VGLL2: variants seen among roughly 807,000 people sequenced by gnomAD.
The protein encoded by VGLL2 is transcription cofactor vestigial-like protein 2.
A neutral mutation model predicts 27.0 loss-of-function variants in VGLL2; 18 were observed. That is an observed-to-expected ratio of 0.67 (90% confidence interval 0.46 to 0.99). The LOEUF (loss-of-function observed/expected upper bound fraction) is 0.99. Ranked by LOEUF, VGLL2 falls within the 50% of genes least tolerant of loss-of-function variation. The pLI is 0.00. For synonymous variants in VGLL2, 220 were observed against 201.1 expected, an observed-to-expected ratio of 1.09 and a Z score of -0.80; for missense variants, 491 against 452.3, an observed-to-expected ratio of 1.09 and a Z score of -0.78.
At position 117,272,560 on chromosome 6, in the gene VGLL2, CCT is replaced by C. The variant is rs1349052020; in HGVS notation, c.*70_*71del. 18 of 1,610,476 alleles carry C rather than the reference CCT, an allele frequency of 1.1e-5. No homozygotes were observed. The highest frequency in any genetic ancestry group is 1.4e-5 in the Non-Finnish European group (17 of 1,177,856). On this transcript the variant is annotated 3_prime_UTR_variant, in exon 4 of 4. Transcript: ENST00000326274. ...CAGCCTTGGAGGCTCAGCATCTGTG[CCT>C]CTCACTCCGTGGATGAGGACATGGG...
chr6:117,268,529 G>A (rs28441357), intron 2 of VGLL2, 38 bp downstream of exon 2: 8 of 1,521,960 alleles, frequency 5.3e-6, no homozygotes, highest in Non-Finnish European at 7.0e-6. Context: ...CCCATAGGGG[G>A]TCCTCTCAGC....
chr6:117,271,124 G>A, intron 3 of VGLL2, 60 bp downstream of exon 3: 1 of 1,184,080 alleles, frequency 8.4e-7, no homozygotes, highest in Non-Finnish European at 1.0e-6. Flanking sequence ...CCGACCCTGG[G>A]CTGTGCCTAG....
At chr6:117,270,359 C>A (rs1018635474) in intron 2 of VGLL2, among the ~76,000 whole-genome samples, 184 bp from the exon 3 acceptor site, 1 of 152,076 alleles carries the variant, frequency 6.6e-6, no homozygotes, top group Non-Finnish European at 1.5e-5. Context: ...GGTTGCAGCC[C>A]CCTTAGAAAA....
intron 1 of VGLL2, among the ~76,000 whole-genome samples, chr6:117,266,861 G>A (rs572037413): frequency 5.3e-5 from 8 of 152,200 alleles, no homozygotes; most frequent in African/African-American, 1.9e-4. Flanking sequence ...AAAATTTCCC[G>A]ATAAATTAAT....
chr6:117,266,095 A>G (rs1163071968), intron 1 of VGLL2, among the ~76,000 whole-genome samples: 1 of 152,196 alleles, frequency 6.6e-6, no homozygotes, highest in Non-Finnish European at 1.5e-5. Context: ...TCCCTGGAAT[A>G]ATCAGAGGAA....
In VGLL2 at chr6:117,265,709, T is replaced by G; in HGVS notation, c.-55T>G. 1 of 1,524,748 alleles carries G rather than the reference T, an allele frequency of 6.6e-7. No individual in the cohort carries two copies. The highest frequency in any genetic ancestry group is 9.1e-7 in the Non-Finnish European group (1 of 1,100,542). 94.5% of individuals were successfully genotyped at this position (1,524,748 alleles called of 1,614,324 possible). A position where few individuals can be genotyped will look rare whatever the true frequency, so the allele number is the denominator to read the frequency against. ...CGCCGCCCATGCAGCACCCCTGAGCTCCGGGGAAGGAGAGTTAATGAAAAA... is the reference window on the plus strand; with the variant it reads ...CGCCGCCCATGCAGCACCCCTGAGCGCCGGGGAAGGAGAGTTAATGAAAAA... On this transcript the variant is annotated 5_prime_UTR_variant, in exon 1 of 4. Coordinates refer to ENST00000326274, the MANE Select transcript of VGLL2 (RefSeq NM_182645.3).
In VGLL2 at chr6:117,268,336, A is replaced by G; in HGVS notation, c.236A>G (p.Glu79Gly). Residue 79 changes from glutamate to glycine, a missense_variant, in exon 2 of 4, where the codon GAG becomes GGG. Coordinates refer to ENST00000326274, the MANE Select transcript of VGLL2 (RefSeq NM_182645.3). ...SPEKERPPEA[E>G]YINSRCVLFT... ...GAGAAAGAGCGCCCACCAGAGGCAGAGTACATCAACTCCCGCTGCGTCCTC... is the reference window on the plus strand; with the variant it reads ...GAGAAAGAGCGCCCACCAGAGGCAGGGTACATCAACTCCCGCTGCGTCCTC... The G allele has an allele frequency of 6.2e-7, 1 of 1,614,190 alleles. No individual in the cohort carries two copies. Among genetic ancestry groups the G allele is most frequent in the South Asian group, 1.1e-5 (1 of 91,078 alleles).
intron 1 of VGLL2, among the ~76,000 whole-genome samples, chr6:117,266,695 G>A (rs1773074665): frequency 6.6e-6 from 1 of 152,152 alleles, no homozygotes; most frequent in Non-Finnish European, 1.5e-5. Flanking sequence ...AGTAGTGCAG[G>A]AAAAGAATGA....
In VGLL2 at chr6:117,267,006, A is replaced by C. The variant is rs185760159; in HGVS notation, c.81+1162A>C. ...TCCTCTTGTAGGGAAGGTGGCATTT[A>C]GGAAGTGGTGATATTGCTAAATCTT... On this transcript the variant is annotated intron_variant, in intron 1 of 3. Transcript: ENST00000326274. Among the ~76,000 whole-genome samples the C allele has an allele frequency of 2.7e-3, 408 of 152,258 alleles. 5 individuals are homozygous for C. In the Middle Eastern group the frequency reaches 0.034, roughly 13 times the overall value.
chr6:117,270,484 C>A, intron 2 of VGLL2, 59 bp from the exon 3 acceptor site: 1 of 1,506,678 alleles, frequency 6.6e-7, no homozygotes, highest in Non-Finnish European at 8.9e-7. Flanking sequence ...CTGAGTCCAG[C>A]CGCAGTGACA....
chr6:117,272,758 C>A lies in VGLL2; in HGVS notation c.*264C>A, dbSNP rs1348727170. 4 of 524,748 alleles carry A rather than the reference C, an allele frequency of 7.6e-6. No individual in the cohort carries two copies. The highest frequency in any genetic ancestry group is 1.3e-5 in the Non-Finnish European group (4 of 300,548). The allele number at this position is 524,748 out of a possible 1,614,324, so 32.5% of individuals were successfully genotyped here. Reference sequence around the variant, plus strand: ...AATATCTGTGGTGAGATTGCTGAGTCAGGTGATGTGATATCATAAGCTTTC... The same window carrying A: ...AATATCTGTGGTGAGATTGCTGAGTAAGGTGATGTGATATCATAAGCTTTC... On this transcript the variant is annotated 3_prime_UTR_variant, in exon 4 of 4. Transcript: ENST00000326274.
rs1773232601 is a variant in VGLL2, at chr6:117,272,957, T to G, written c.*463T>G. 6.2e-6 allele frequency: 1 copy of G among 161,128 alleles called. No homozygotes were observed. Among genetic ancestry groups the G allele is most frequent in the Admixed American group, 6.4e-5 (1 of 15,538 alleles). 10.0% of individuals were successfully genotyped at this position (161,128 alleles called of 1,614,324 possible). On this transcript the variant is annotated 3_prime_UTR_variant, in exon 4 of 4. Coordinates refer to ENST00000326274, the MANE Select transcript of VGLL2 (RefSeq NM_182645.3). ...TAAAGAGAAGTCAATTCCTTCTTCC[T>G]CACCTCTCAGCCTCCAGATCCCTTC...
Position 117,265,723 on chromosome 6 carries a change from G to C in VGLL2, c.-41G>C, listed in dbSNP as rs1323390422. The C allele has an allele frequency of 6.4e-7, 1 of 1,574,008 alleles. No individual in the cohort carries two copies. Among genetic ancestry groups the C allele is most frequent in the Non-Finnish European group, 8.7e-7 (1 of 1,144,130 alleles). On this transcript the variant is annotated 5_prime_UTR_variant, in exon 1 of 4. Coordinates refer to ENST00000326274, the MANE Select transcript of VGLL2 (RefSeq NM_182645.3). ...CACCCCTGAGCTCCGGGGAAGGAGAGTTAATGAAAAAACACTTAACCGTCT... is the reference window on the plus strand; with the variant it reads ...CACCCCTGAGCTCCGGGGAAGGAGACTTAATGAAAAAACACTTAACCGTCT...
At position 117,270,740 on chromosome 6, in the gene VGLL2, G is replaced by GCGCACC; in HGVS notation, c.596_601dup (p.Pro199_His200dup). On this transcript the variant is annotated inframe_insertion, in exon 3 of 4. Transcript: ENST00000326274. ...GGGCGCCACGGAGCCCTGGCACCACGCGCACCCGCACCACGCGCACCCGCA... is the reference window on the plus strand; with the variant it reads ...GGGCGCCACGGAGCCCTGGCACCACGCGCACCCGCACCCGCACCACGCGCACCCGCA... The GCGCACC allele has an allele frequency of 1.3e-6, 2 of 1,517,226 alleles. No individual in the cohort carries two copies. The highest frequency in any genetic ancestry group is 1.8e-6 in the Non-Finnish European group (2 of 1,142,424). The allele number at this position is 1,517,226 out of a possible 1,614,324, so 94.0% of individuals were successfully genotyped here.
Position 117,265,744 on chromosome 6 carries a change from C to T in VGLL2, c.-20C>T, listed in dbSNP as rs747843765. ...GAGAGTTAATGAAAAAACACTTAAC[C>T]GTCTCCGCTGCGGAGAGTCATGAGC... On this transcript the variant is annotated 5_prime_UTR_variant, in exon 1 of 4. Coordinates refer to ENST00000326274, the MANE Select transcript of VGLL2 (RefSeq NM_182645.3). The T allele has an allele frequency of 1.7e-5, 27 of 1,606,100 alleles. No homozygotes were observed. Among genetic ancestry groups the T allele is most frequent in the Non-Finnish European group, 2.2e-5 (26 of 1,172,864 alleles).
At position 117,271,008 on chromosome 6, in the gene VGLL2, C is replaced by T; in HGVS notation, c.857C>T (p.Pro286Leu). 1 of 1,232,442 alleles carries T rather than the reference C, an allele frequency of 8.1e-7. No individual in the cohort carries two copies. The highest frequency in any genetic ancestry group is 1.0e-6 in the Non-Finnish European group (1 of 990,658). 76.3% of individuals were successfully genotyped at this position (1,232,442 alleles called of 1,614,324 possible). ...GCCGCGTGGGCCGGGCCCGGGGGAC[C>T]CTTCGCGAGCCCCTCGGGGGACGTG... Reference protein sequence around the residue: ...AGAAWAGPGGPFASPSGDVAQ... With the variant: ...AGAAWAGPGGLFASPSGDVAQ... Residue 286 changes from proline to leucine, a missense_variant, in exon 3 of 4, where the codon CCC (proline) becomes CTC (leucine). Transcript: ENST00000326274.
chr6:117,271,964 A>C (rs1308222708), intron 3 of VGLL2, among the ~76,000 whole-genome samples: 1 of 152,172 alleles, frequency 6.6e-6, no homozygotes, highest in African/African-American at 2.4e-5. Flanking sequence ...TAATAAGTGC[A>C]ATCACTGGCT....
chr6:117,270,425 T>G, intron 2 of VGLL2, 118 bp from the exon 3 acceptor site: 1 of 1,329,444 alleles, frequency 7.5e-7, no homozygotes, highest in Non-Finnish European at 9.8e-7. Context: ...TAGCCAGCCC[T>G]GTGCCCGCCC....
chr6:117,272,380 C>G, intron 3 of VGLL2, 74 bp from the exon 4 acceptor site: 1 of 1,613,642 alleles, frequency 6.2e-7, no homozygotes, highest in Admixed American at 1.7e-5. Flanking sequence ...CTGTAGGTCT[C>G]TGCATAGTGC....
Sources: allele counts gnomAD v4.1 joint callset (sites outside exome capture counted in the v4.1 genomes callset), GRCh38; gene constraint gnomAD v4.1.1; transcripts MANE v1.5; gene names NCBI Gene and HGNC (gene_info 2026-07-23, HGNC 2026-07-21).